Variants in KIAA0586 observed in about 807,000 individuals in gnomAD.
The protein encoded by KIAA0586 is KIAA0586.
KIAA0586 carries 144 observed loss-of-function variants against 169.8 expected under a neutral mutation model. The ratio of observed to expected loss-of-function variants is 0.85; its 90% CI spans 0.74 to 0.97. KIAA0586 has a LOEUF of 0.97. Among genes scored for constraint, KIAA0586 ranks in the 50% least tolerant of loss-of-function variants. The pLI is 0.00. For missense variants in KIAA0586, 1,854 were observed against 1,823.0 expected, an observed-to-expected ratio of 1.02 and a Z score of -0.31; for synonymous variants, 625 against 612.4, an observed-to-expected ratio of 1.02 and a Z score of -0.30.
chr14:58,439,826 T>G, intron 4 of KIAA0586: 1 of 984,726 alleles, frequency 1.0e-6, no homozygotes, highest in Non-Finnish European at 1.2e-6. Flanking sequence ...GACGGGGAAG[T>G]CCAGCAGCTG....
chr14:58,448,205 C>G (rs759603077), intron 6 of KIAA0586, 135 bp from the exon 7 acceptor site: 1 of 610,228 alleles, frequency 1.6e-6, no homozygotes, highest in Non-Finnish European at 2.8e-6. Context: ...TGGATACTTG[C>G]AATGTAATAC....
chr14:58,441,689 A>G (rs2038390603), intron 4 of KIAA0586, among the ~76,000 whole-genome samples: 1 of 152,144 alleles, frequency 6.6e-6, no homozygotes, highest in Non-Finnish European at 1.5e-5. Flanking sequence ...GCTAGAGTGC[A>G]GTGGTGCCAT....
At chr14:58,525,760 T>C (rs947560198) in intron 29 of KIAA0586, among the ~76,000 whole-genome samples, 1 of 152,202 alleles carries the variant, frequency 6.6e-6, no homozygotes, top group Non-Finnish European at 1.5e-5. Flanking sequence ...CCAAGTGGTC[T>C]ACCTCAGCGG....
At chr14:58,484,894 A>ATATATTTT (rs2042282946) in intron 21 of KIAA0586, among the ~76,000 whole-genome samples, 3 of 5,834 alleles carry the variant, frequency 5.1e-4, no homozygotes, top group Non-Finnish European at 8.8e-4. Context: ...ATATATTTAT[A>ATATATTTT]TATATATATA....
intron 15 of KIAA0586, among the ~76,000 whole-genome samples, chr14:58,466,408 GTA>G (rs907761974): frequency 6.6e-6 from 1 of 152,104 alleles, no homozygotes; most frequent in Non-Finnish European, 1.5e-5. Context: ...AATTCTTTTG[GTA>G]TGTTATATTA....
In KIAA0586 at chr14:58,539,276, A is replaced by G. The variant is rs917726354; in HGVS notation, c.4430-795A>G. Among the ~76,000 whole-genome samples the G allele has an allele frequency of 7.1e-4, 106 of 149,368 alleles. 3 individuals carry two copies. Among genetic ancestry groups the G allele is most frequent in the Non-Finnish European group, 2.8e-4 (19 of 68,010 alleles). On this transcript the variant is annotated intron_variant, in intron 29 of 30. Transcript: ENST00000652326. Reference sequence around the variant, plus strand: ...AATTTTTGTGAAATAAATGAAGCTTAAGAGATAACTGATTTTTATCTTAAA... The same window carrying G: ...AATTTTTGTGAAATAAATGAAGCTTGAGAGATAACTGATTTTTATCTTAAA...
At chr14:58,508,502 G>T (rs1053159955) in intron 27 of KIAA0586, 53 bp from the exon 28 acceptor site, 2 of 1,367,980 alleles carry the variant, frequency 1.5e-6, no homozygotes, top group Non-Finnish European at 2.0e-6. Context: ...GTTCATTTTT[G>T]AAGATAAATT....
rs190449680 is a variant in KIAA0586 at position 58,476,371 on chromosome 14, A to C, written c.2826-752A>C. 1.2e-3 allele frequency among the ~76,000 whole-genome samples: 187 copies of C among 152,206 alleles called. 1 individual carries two copies. Among genetic ancestry groups the C allele is most frequent in the African/African-American group, 3.4e-3 (140 of 41,530 alleles). Reference sequence around the variant, plus strand: ...GACTTTGGAAATAAATTTTTTCTTTACATTTTAAGAGGAAAACTACCTATA... The same window carrying C: ...GACTTTGGAAATAAATTTTTTCTTTCCATTTTAAGAGGAAAACTACCTATA... On this transcript the variant is annotated intron_variant, in intron 19 of 30. Transcript: ENST00000652326.
In KIAA0586 at chr14:58,474,800, A is replaced by G; in HGVS notation, c.2825+3A>G. On this transcript the variant is annotated splice_donor_region_variant and intron_variant, in intron 19 of 30. Coordinates refer to ENST00000652326, the MANE Select transcript of KIAA0586 (RefSeq NM_001329943.3). The stretch of plus-strand genomic sequence containing the variant: ...CTGGAAAATAGCTTAATTCAATGGT[A>G]AGTTTATAATGTTTTTGGTATGAAT... 1 of 1,580,892 alleles carries G rather than the reference A, an allele frequency of 6.3e-7. No homozygotes were observed. Among genetic ancestry groups the G allele is most frequent in the Non-Finnish European group, 8.6e-7 (1 of 1,159,010 alleles).
At chr14:58,542,286 G>C (rs1482149051) in intron 30 of KIAA0586, among the ~76,000 whole-genome samples, 1 of 152,068 alleles carries the variant, frequency 6.6e-6, no homozygotes, top group African/African-American at 2.4e-5. Flanking sequence ...ACATCAGCCT[G>C]ACCAACATGG....
chr14:58,525,478 G>A (rs1195788907), intron 29 of KIAA0586, among the ~76,000 whole-genome samples: 2 of 152,066 alleles, frequency 1.3e-5, no homozygotes, highest in African/African-American at 2.4e-5. Flanking sequence ...CCCTCCTCTA[G>A]CCAAGTGAAT....
intron 21 of KIAA0586, among the ~76,000 whole-genome samples, chr14:58,484,900 A>ATTTATATATATTTT (rs373179400): frequency 7.3e-3 from 67 of 9,138 alleles, no homozygotes; most frequent in South Asian, 0.013. Context: ...TTATATATAT[A>ATTTATATATATTTT]TATATATATA....
Position 58,429,434 on chromosome 14 carries a change from G to T in KIAA0586, c.270+1G>T. 1 of 1,539,990 alleles carries T rather than the reference G, an allele frequency of 6.5e-7. No homozygotes were observed. The highest frequency in any genetic ancestry group is 1.1e-5 in the South Asian group (1 of 89,414). On this transcript the variant is annotated splice_donor_variant, in intron 2 of 30. Coordinates refer to ENST00000652326, the MANE Select transcript of KIAA0586 (RefSeq NM_001329943.3). LOFTEE classifies it high-confidence loss of function. ...AGAAAATCCCATGGTGTCAGAAAGT[G>T]TAAGCAAAAGGATTCTTAATTATGC... is the stretch of plus-strand genomic sequence containing the variant.
intron 20 of KIAA0586, among the ~76,000 whole-genome samples, chr14:58,477,770 CTCT>C (rs1190760841): frequency 6.6e-6 from 1 of 150,518 alleles, no homozygotes; most frequent in African/African-American, 2.4e-5. Context: ...TCTTTTCTTC[CTCT>C]TCTTTTTCTC....
At position 58,430,716 on chromosome 14, in the gene KIAA0586, A is replaced by G; in HGVS notation, c.339A>G (p.Lys113=). 6.4e-7 allele frequency: 1 copy of G among 1,557,670 alleles called. No homozygotes were observed. The highest frequency in any genetic ancestry group is 1.1e-5 in the South Asian group (1 of 87,866). The part of the protein sequence containing the change: ...LDKIEENNKQ[K]ANDIFISQYT... ...AAATAGAAGAGAACAACAAGCAAAA[A>G]GGTAAAAGAATAATATTGATTTTTT... Residue 113 remains lysine (K), a splice_region_variant and synonymous_variant, in exon 3 of 31, where the codon AAA becomes AAG. Coordinates refer to ENST00000652326, the MANE Select transcript of KIAA0586 (RefSeq NM_001329943.3).
At position 58,448,636 on chromosome 14, in the gene KIAA0586, A is replaced by AT. The variant is rs11381841; in HGVS notation, c.961+150dup. The AT allele has an allele frequency of 0.74, 340,625 of 462,226 alleles. 126,663 individuals carry two copies. Among genetic ancestry groups the AT allele is most frequent in the African/African-American group, 0.84 (41,576 of 49,394 alleles). 28.6% of individuals were successfully genotyped at this position (462,226 alleles called of 1,614,324 possible). Reference sequence around the variant, plus strand: ...ATAGGAGTTTTTGTTTTATAAAACAATTTTTTTAAATGTTCTTTTTTTAAA... The same window carrying AT: ...ATAGGAGTTTTTGTTTTATAAAACAATTTTTTTTAAATGTTCTTTTTTTAAA... On this transcript the variant is annotated intron_variant, in intron 7 of 30. Coordinates refer to ENST00000652326, the MANE Select transcript of KIAA0586 (RefSeq NM_001329943.3).
At chr14:58,511,102 C>T in intron 28 of KIAA0586, among the ~76,000 whole-genome samples, 1 of 152,056 alleles carries the variant, frequency 6.6e-6, no homozygotes, top group Admixed American at 6.6e-5. Context: ...GCAAATTGGA[C>T]ACTTTAAATA....
At position 58,521,817 on chromosome 14, in the gene KIAA0586, A is replaced by C. The variant is rs920743539; in HGVS notation, c.4429+9190A>C. ...TAGTTCCATGAAGAAAGATGAGACT[A>C]ATGTGAAGGTGGAGTCGGAGCGGGG... On this transcript the variant is annotated intron_variant, in intron 29 of 30. Transcript: ENST00000652326. 5 of 830,878 alleles carry C rather than the reference A, an allele frequency of 6.0e-6. No individual in the cohort carries two copies. In the Admixed American group the frequency reaches 8.6e-5, roughly 14 times the overall value. 51.5% of individuals were successfully genotyped at this position (830,878 alleles called of 1,614,324 possible). A position where few individuals can be genotyped will look rare whatever the true frequency, so the allele number is the denominator to read the frequency against.
intron 29 of KIAA0586, among the ~76,000 whole-genome samples, chr14:58,537,776 T>C (rs1305313431): frequency 6.6e-6 from 1 of 151,766 alleles, no homozygotes; most frequent in Non-Finnish European, 1.5e-5. Flanking sequence ...GCCTCCCGAG[T>C]AGCTGGGACT....
Sources: allele counts gnomAD v4.1 joint callset (sites outside exome capture counted in the v4.1 genomes callset), GRCh38; gene constraint gnomAD v4.1.1; transcripts MANE v1.5; gene names NCBI Gene and HGNC (gene_info 2026-07-23, HGNC 2026-07-21).